Variants in SLC16A9 observed in about 807,000 individuals in gnomAD.
SLC16A9 encodes solute carrier family 16 member 9, also known as monocarboxylate transporter 9.
SLC16A9 carries 26 observed loss-of-function variants against 44.3 expected under a neutral mutation model. That is an observed-to-expected ratio of 0.59 (90% confidence interval 0.43 to 0.81). The LOEUF (loss-of-function observed/expected upper bound fraction) is 0.81, where lower values mean the gene tolerates loss of function less well. SLC16A9 is among the 40% of genes least tolerant of loss of function. SLC16A9 has a pLI of 0.00. For synonymous variants in SLC16A9, 230 were observed against 225.1 expected, an observed-to-expected ratio of 1.02 and a Z score of -0.19; for missense variants, 559 against 595.8, an observed-to-expected ratio of 0.94 and a Z score of 0.64.
intron 4 of SLC16A9, among the ~76,000 whole-genome samples, chr10:59,661,814 C>A (rs1388962246): frequency 6.6e-6 from 1 of 150,398 alleles, no homozygotes; most frequent in African/African-American, 2.5e-5. Flanking sequence ...AGAACAGAGG[C>A]CTCAGAAATA....
chr10:59,653,224 C>A (rs924640983), intron 5 of SLC16A9, among the ~76,000 whole-genome samples: 1 of 151,062 alleles, frequency 6.6e-6, no homozygotes, highest in Non-Finnish European at 1.5e-5. Context: ...TGGAGACCAT[C>A]CTGGCTAACA....
At chr10:59,689,752 A>G (rs1840212678) in intron 1 of SLC16A9, among the ~76,000 whole-genome samples, 1 of 152,192 alleles carries the variant, frequency 6.6e-6, no homozygotes, top group Non-Finnish European at 1.5e-5. Context: ...AGTAATTTCA[A>G]GTTGATTATT....
At chr10:59,677,098 C>G (rs1363250152) in intron 2 of SLC16A9, among the ~76,000 whole-genome samples, 1 of 128,416 alleles carries the variant, frequency 7.8e-6, no homozygotes, top group African/African-American at 2.8e-5. Context: ...TTTCCTCTAT[C>G]ATTGCCTTTA....
chr10:59,681,929 T>C (rs539043482), intron 2 of SLC16A9, among the ~76,000 whole-genome samples: 2 of 151,862 alleles, frequency 1.3e-5, no homozygotes, highest in East Asian at 3.9e-4. Flanking sequence ...CCATCCTTTT[T>C]TTTTCCCCAC....
At chr10:59,693,380 TTTCTC>T (rs1840294187) in intron 1 of SLC16A9, among the ~76,000 whole-genome samples, 1 of 152,172 alleles carries the variant, frequency 6.6e-6, no homozygotes, top group African/African-American at 2.4e-5. Context: ...CAGTGTATCA[TTTCTC>T]TTCTAAAGTC....
Position 59,651,089 on chromosome 10 carries a change from T to A in SLC16A9, c.*1683A>T, listed in dbSNP as rs1839187421. 1 of 151,962 alleles carries A rather than the reference T, an allele frequency of 6.6e-6. No individual in the cohort carries two copies. The allele number at this position is 151,962 out of a possible 1,614,324, so 9.4% of individuals were successfully genotyped here. On this transcript the variant is annotated 3_prime_UTR_variant, in exon 6 of 6. Coordinates refer to ENST00000395348, the MANE Select transcript of SLC16A9 (RefSeq NM_194298.3). ...CAGAAGTCTGAGTGTGGTGTAGAAG[T>A]CCAAGACAACTTGGAGCTCCATTAT...
chr10:59,696,170 G>A (rs796333465), intron 1 of SLC16A9, among the ~76,000 whole-genome samples: 1 of 152,096 alleles, frequency 6.6e-6, no homozygotes, highest in Admixed American at 6.5e-5. Context: ...GCTGGACTGT[G>A]CTGCTGCCAT....
In SLC16A9 at chr10:59,654,390, G is replaced by T. The variant is rs775414333; in HGVS notation, c.636C>A (p.Ser212=). The change falls in exon 5 of 6, where the codon TCC becomes TCA. Residue 212 remains serine (S), a synonymous_variant. Coordinates refer to ENST00000395348, the MANE Select transcript of SLC16A9 (RefSeq NM_194298.3). ...GATTCTTTCCTTTTTCATTGTAAAT[G>T]GAGTATTTATCTGGTAGATCTTCTG... is the stretch of plus-strand genomic sequence containing the variant. The part of the protein sequence containing the change: ...IAPEDLPDKY[S]IYNEKGKNLE... 3 of 1,613,650 alleles carry T rather than the reference G, an allele frequency of 1.9e-6. No homozygotes were observed. The highest frequency in any genetic ancestry group is 2.2e-5 in the East Asian group (1 of 44,876).
At chr10:59,708,729 T>A (rs1373093755) in intron 1 of SLC16A9, 1 of 152,242 alleles carries the variant, frequency 6.6e-6, no homozygotes, top group East Asian at 1.9e-4. Flanking sequence ...AGTTTGTTCG[T>A]GGTTATCAGC....
At chr10:59,702,371 G>C (rs1306895380) in intron 1 of SLC16A9, among the ~76,000 whole-genome samples, 1 of 152,172 alleles carries the variant, frequency 6.6e-6, no homozygotes, top group African/African-American at 2.4e-5. Context: ...GGTTTTAAAT[G>C]TTAAACATTC....
chr10:59,707,456 G>A (rs1425105468), intron 1 of SLC16A9, among the ~76,000 whole-genome samples: 1 of 151,670 alleles, frequency 6.6e-6, no homozygotes, highest in Non-Finnish European at 1.5e-5. Context: ...TTTGTCAAAG[G>A]ATACAAAATT....
intron 1 of SLC16A9, among the ~76,000 whole-genome samples, chr10:59,690,469 A>G (rs1239116923): frequency 6.6e-6 from 1 of 152,180 alleles, no homozygotes; most frequent in Non-Finnish European, 1.5e-5. Context: ...AGCACTCAAG[A>G]TGGGAGCAGG....
chr10:59,687,640 A>G (rs906012155), intron 1 of SLC16A9, among the ~76,000 whole-genome samples: 13 of 152,184 alleles, frequency 8.5e-5, no homozygotes, highest in Middle Eastern at 3.4e-3. Context: ...TTTGATTTCT[A>G]CTAGTGTTGG....
chr10:59,654,863 A>G (rs1380129106), intron 4 of SLC16A9, among the ~76,000 whole-genome samples: 1 of 152,178 alleles, frequency 6.6e-6, no homozygotes, highest in African/African-American at 2.4e-5. Flanking sequence ...AGTAGGTCCT[A>G]TTATTATTCC....
At chr10:59,679,673 C>T (rs772866710) in intron 2 of SLC16A9, among the ~76,000 whole-genome samples, 1 of 152,198 alleles carries the variant, frequency 6.6e-6, no homozygotes, top group Non-Finnish European at 1.5e-5. Flanking sequence ...CCCAGCAACA[C>T]CTAGATTGGT....
chr10:59,664,140 T>C (rs1315151456), intron 4 of SLC16A9, 87 bp downstream of exon 4: 4 of 737,454 alleles, frequency 5.4e-6, no homozygotes, highest in Admixed American at 3.1e-5. Flanking sequence ...TGGGTAATGG[T>C]TGGTTAAACA....
chr10:59,671,335 G>A (rs1839745080), intron 3 of SLC16A9, among the ~76,000 whole-genome samples: 1 of 152,132 alleles, frequency 6.6e-6, no homozygotes, highest in South Asian at 2.1e-4. Flanking sequence ...ATGACAAGTT[G>A]GTATATATGG....
intron 1 of SLC16A9, among the ~76,000 whole-genome samples, chr10:59,693,147 A>G (rs1343858231): frequency 6.6e-6 from 1 of 152,212 alleles, no homozygotes; most frequent in Non-Finnish European, 1.5e-5. Flanking sequence ...ATCAGCTGCA[A>G]CAGTGTCAAC....
At chr10:59,657,813 C>CA (rs1839383163) in intron 4 of SLC16A9, among the ~76,000 whole-genome samples, 1 of 151,972 alleles carries the variant, frequency 6.6e-6, no homozygotes, top group Non-Finnish European at 1.5e-5. Context: ...ATTTGTAAAT[C>CA]AAAAATAAAA....
Sources: allele counts gnomAD v4.1 joint callset (sites outside exome capture counted in the v4.1 genomes callset), GRCh38; gene constraint gnomAD v4.1.1; transcripts MANE v1.5; gene names NCBI Gene and HGNC (gene_info 2026-07-23, HGNC 2026-07-21).